OSGIN2: variants seen among roughly 807,000 people sequenced by gnomAD.
OSGIN2 encodes the protein oxidative stress-induced growth inhibitor 2.
Under a neutral mutation model 53.8 loss-of-function variants are expected in OSGIN2, and 19 were observed. That is an observed-to-expected ratio of 0.35 (90% CI 0.25 to 0.52). The LOEUF is 0.52. Among genes scored for constraint, OSGIN2 ranks in the 20% least tolerant of loss-of-function variants. The pLI is 0.95. For missense variants in OSGIN2, 520 were observed against 662.7 expected (o/e 0.78, Z 2.36); for synonymous variants, 236 against 236.0 (o/e 1.00, Z 0.00).
intron 2 of OSGIN2, 90 bp from the exon 3 acceptor site, chr8:89,913,987 A>C: frequency 9.4e-7 from 1 of 1,069,450 alleles, no homozygotes; most frequent in Non-Finnish European, 1.4e-6. Context: ...CTGGTCAGAG[A>C]AAAGAGCCAT....
At chr8:89,919,528 T>C (rs1293265997) in intron 4 of OSGIN2, among the ~76,000 whole-genome samples, 3 of 152,192 alleles carry the variant, frequency 2.0e-5, no homozygotes, top group Non-Finnish European at 4.4e-5. Context: ...GGTATAGCAT[T>C]GCCAAGGCCT....
chr8:89,921,041 G>A, intron 4 of OSGIN2, 39 bp from the exon 5 acceptor site: 1 of 1,232,530 alleles, frequency 8.1e-7, no homozygotes, highest in Non-Finnish European at 1.2e-6. Flanking sequence ...GTTACTTCTT[G>A]TTTTTTGACG....
intron 1 of OSGIN2, 73 bp downstream of exon 1, chr8:89,902,910 G>A: frequency 8.9e-7 from 1 of 1,125,754 alleles, no homozygotes; most frequent in Non-Finnish European, 1.2e-6. Flanking sequence ...GCCTGGCCCG[G>A]GCCGGGACCG....
intron 1 of OSGIN2, among the ~76,000 whole-genome samples, chr8:89,903,920 G>T (rs1054853870): frequency 1.3e-5 from 2 of 152,200 alleles, no homozygotes; most frequent in Middle Eastern, 3.4e-3. Flanking sequence ...TAGTTTTCTT[G>T]TAAATCCTGT....
chr8:89,906,054 T>C (rs1249053336), intron 1 of OSGIN2, among the ~76,000 whole-genome samples: 1 of 152,264 alleles, frequency 6.6e-6, no homozygotes, highest in Non-Finnish European at 1.5e-5. Context: ...AAAGGAATTC[T>C]ATATTCATGG....
intron 2 of OSGIN2, among the ~76,000 whole-genome samples, 195 bp downstream of exon 2, chr8:89,909,916 A>G (rs1487002071): frequency 6.6e-6 from 1 of 152,222 alleles, no homozygotes; most frequent in Non-Finnish European, 1.5e-5. Flanking sequence ...AAAATGCAGT[A>G]TCTTTTTAGT....
chr8:89,909,051 C>T (rs59643992), intron 1 of OSGIN2, among the ~76,000 whole-genome samples: 23,805 of 92,158 alleles, frequency 0.26, 2,756 homozygotes, highest in East Asian at 0.35. Flanking sequence ...TATATATATA[C>T]ATATATATAT....
rs745342685 is a variant in OSGIN2, at chr8:89,925,105, C to T, written c.1223C>T (p.Ser408Leu). The T allele has an allele frequency of 6.2e-7, 1 of 1,613,876 alleles. No individual in the cohort carries two copies. The highest frequency in any genetic ancestry group is 8.5e-7 in the Non-Finnish European group (1 of 1,179,782). The change falls in exon 6 of 6, where the codon TCA becomes TTA. Residue 408 changes from serine to leucine, a missense_variant. Around this residue, in one of 3 missense-constraint regions of OSGIN2, gnomAD observed 239 missense variants for 328.3 expected, o/e 0.73. Transcript: ENST00000451899. ...GTCTATCATATGATGTGTACTCAGT[C>T]ATATTCTGTAGACTCAAATCTTTTA... ...HKVYHMMCTQSYSVDSNLLSD... is the reference protein window; with the variant it reads ...HKVYHMMCTQLYSVDSNLLSD...
intron 1 of OSGIN2, 99 bp downstream of exon 1, chr8:89,902,936 G>A (rs940151930): frequency 6.2e-6 from 5 of 811,016 alleles, no homozygotes; most frequent in Non-Finnish European, 8.5e-6. Flanking sequence ...GAGGGCGAGC[G>A]CCTGGACCGC....
intron 2 of OSGIN2, among the ~76,000 whole-genome samples, chr8:89,913,194 CT>C (rs1809007291): frequency 6.6e-6 from 1 of 152,138 alleles, no homozygotes; most frequent in African/African-American, 2.4e-5. Flanking sequence ...TAATCCGAAC[CT>C]TGTGGCCTTT....
intron 1 of OSGIN2, among the ~76,000 whole-genome samples, chr8:89,907,356 G>A (rs558534492): frequency 1.6e-4 from 24 of 151,996 alleles, no homozygotes; most frequent in Non-Finnish European, 2.5e-4. Flanking sequence ...GTCCTGAATG[G>A]TATTGCCTAG....
chr8:89,911,486 C>T (rs543911972), intron 2 of OSGIN2, among the ~76,000 whole-genome samples: 122 of 151,944 alleles, frequency 8.0e-4, no homozygotes, highest in African/African-American at 2.6e-3. Context: ...AAAAATTAGC[C>T]GGGCATGGTG....
At chr8:89,920,929 A>G in intron 4 of OSGIN2, 151 bp from the exon 5 acceptor site, 2 of 504,864 alleles carry the variant, frequency 4.0e-6, no homozygotes, top group Non-Finnish European at 7.1e-6. Flanking sequence ...TTTTTGAGGT[A>G]AGTTAGCCAA....
At chr8:89,908,922 G>T (rs977697565) in intron 1 of OSGIN2, among the ~76,000 whole-genome samples, 18 of 146,024 alleles carry the variant, frequency 1.2e-4, no homozygotes, top group African/African-American at 4.0e-4. Context: ...GAAGCAAGAG[G>T]ATGACATGAG....
At chr8:89,918,455 C>T (rs756669540) in intron 4 of OSGIN2, among the ~76,000 whole-genome samples, 3 of 152,158 alleles carry the variant, frequency 2.0e-5, no homozygotes, top group Non-Finnish European at 2.9e-5. Context: ...TGTGCCACCA[C>T]ACCCAGCTGA....
chr8:89,902,371 T>A (rs1369134093), upstream of OSGIN2, among the ~76,000 whole-genome samples: 1 of 152,104 alleles, frequency 6.6e-6, no homozygotes, highest in Non-Finnish European at 1.5e-5. Context: ...CCGCGCAGTT[T>A]GCCTGCAGAC....
chr8:89,904,897 G>A (rs1446897532), intron 1 of OSGIN2, among the ~76,000 whole-genome samples: 1 of 152,174 alleles, frequency 6.6e-6, no homozygotes, highest in Non-Finnish European at 1.5e-5. Flanking sequence ...TAAGTAGTGA[G>A]AGAACTGTCC....
At position 89,926,811 on chromosome 8, in the gene OSGIN2, A is replaced by G. The variant is rs1052335212; in HGVS notation, c.*1279A>G. 4.0e-5 allele frequency: 6 copies of G among 151,880 alleles called. No homozygotes were observed. The highest frequency in any genetic ancestry group is 9.7e-5 in the African/African-American group (4 of 41,358). 9.4% of individuals were successfully genotyped at this position (151,880 alleles called of 1,614,324 possible). On this transcript the variant is annotated 3_prime_UTR_variant, in exon 6 of 6. Transcript: ENST00000451899. ...ATGTCTTCATTGAACTCGTTATTCT[A>G]TTTTTCTTAGAATTAAAAGTGGATT...
intron 3 of OSGIN2, 76 bp downstream of exon 3, chr8:89,914,289 C>A: frequency 9.2e-7 from 1 of 1,090,634 alleles, no homozygotes; most frequent in Non-Finnish European, 1.3e-6. Flanking sequence ...TATGAACTTT[C>A]TTAGTTGAAA....
Sources: allele counts gnomAD v4.1 joint callset (sites outside exome capture counted in the v4.1 genomes callset), GRCh38; gene constraint gnomAD v4.1.1; regional missense constraint gnomAD v4.1.1; transcripts MANE v1.5; gene names NCBI Gene and HGNC (gene_info 2026-07-23, HGNC 2026-07-21).